The following DOCK4 variants were observed in gnomAD, a reference collection of about 807,000 sequenced individuals.
DOCK4 encodes the protein dedicator of cytokinesis protein 4.
A neutral mutation model predicts 268.1 loss-of-function variants in DOCK4; 97 were observed. That is an observed-to-expected ratio of 0.36 (90% CI 0.31 to 0.43). The LOEUF (loss-of-function observed/expected upper bound fraction) is 0.43. DOCK4 is among the 20% of genes least tolerant of loss of function. DOCK4 has a pLI of 1.00. For missense variants in DOCK4, 2,145 were observed against 2,455.7 expected (o/e 0.87, Z 2.67); for synonymous variants, 954 against 887.2 (o/e 1.08, Z -1.34).
chr7:111,836,940 AGAAG>A (rs1258495283), intron 25 of DOCK4, among the ~76,000 whole-genome samples: 1 of 152,164 alleles, frequency 6.6e-6, no homozygotes, highest in African/African-American at 2.4e-5. Context: ...AGTCTCAGAG[AGAAG>A]GAAGAGACAG....
intron 1 of DOCK4, among the ~76,000 whole-genome samples, chr7:112,015,373 G>A (rs753040470): frequency 1.3e-5 from 2 of 152,134 alleles, no homozygotes; most frequent in Non-Finnish European, 2.9e-5. Flanking sequence ...TCCACTCTTG[G>A]TTTAGCATAT....
Position 111,765,104 on chromosome 7 carries a change from A to T in DOCK4, c.4020+14T>A. The T allele has an allele frequency of 7.7e-7, 1 of 1,297,084 alleles. No individual in the cohort carries two copies. Among genetic ancestry groups the T allele is most frequent in the Non-Finnish European group, 1.0e-6 (1 of 953,518 alleles). The allele number at this position is 1,297,084 out of a possible 1,614,324, so 80.3% of individuals were successfully genotyped here. Reference sequence around the variant, plus strand: ...TGAGAGCTGTGAAAGCAAATTAAATAGTATATTACTTACTCTTAAGAAAAA... The same window carrying T: ...TGAGAGCTGTGAAAGCAAATTAAATTGTATATTACTTACTCTTAAGAAAAA... On this transcript the variant is annotated intron_variant, in intron 39 of 52. Coordinates refer to ENST00000428084, the MANE Select transcript of DOCK4 (RefSeq NM_001363540.2).
chr7:111,945,709 C>G lies in DOCK4; in HGVS notation c.783+8G>C. The stretch of plus-strand genomic sequence containing the variant: ...ATCTGCCTTATGAATGAAACAAGAT[C>G]CACTCACCACAAAGAGGGAGCAATG... On this transcript the variant is annotated splice_region_variant and intron_variant, in intron 9 of 52. Transcript: ENST00000428084. 6.3e-7 allele frequency: 1 copy of G among 1,586,620 alleles called. No homozygotes were observed. Among genetic ancestry groups the G allele is most frequent in the Non-Finnish European group, 8.6e-7 (1 of 1,165,196 alleles).
intron 6 of DOCK4, among the ~76,000 whole-genome samples, chr7:111,986,037 G>A (rs1289052823): frequency 6.6e-6 from 1 of 152,186 alleles, no homozygotes; most frequent in Non-Finnish European, 1.5e-5. Flanking sequence ...GGTGGTGGCA[G>A]ACAAGGTAGT....
At chr7:111,938,911 T>A (rs1055771637) in intron 11 of DOCK4, among the ~76,000 whole-genome samples, 7 of 147,032 alleles carry the variant, frequency 4.8e-5, no homozygotes, top group African/African-American at 1.8e-4. Context: ...GAGGCGGAGG[T>A]TGCAGTGAGC....
intron 1 of DOCK4, among the ~76,000 whole-genome samples, chr7:112,176,261 A>G (rs2116651145): frequency 6.6e-6 from 1 of 152,304 alleles, no homozygotes; most frequent in East Asian, 1.9e-4. Flanking sequence ...AAAAGAACAT[A>G]TGAAAGTTGA....
At chr7:111,994,803 G>A (rs1248511677) in intron 4 of DOCK4, among the ~76,000 whole-genome samples, 1 of 152,074 alleles carries the variant, frequency 6.6e-6, no homozygotes, top group Admixed American at 6.6e-5. Context: ...AGTATTCTAA[G>A]TAATGTTATC....
intron 24 of DOCK4, among the ~76,000 whole-genome samples, chr7:111,846,386 G>A (rs1284414044): frequency 6.6e-6 from 1 of 152,220 alleles, no homozygotes; most frequent in Non-Finnish European, 1.5e-5. Flanking sequence ...ACTCTGAGTT[G>A]TCCCATTTAT....
At chr7:111,903,835 C>G (rs1791347339) in intron 13 of DOCK4, among the ~76,000 whole-genome samples, 1 of 152,172 alleles carries the variant, frequency 6.6e-6, no homozygotes, top group Admixed American at 6.5e-5. Flanking sequence ...CTAAAAACAG[C>G]AGAATTCTTT....
At chr7:111,813,610 A>T (rs1801313125) in intron 27 of DOCK4, among the ~76,000 whole-genome samples, 1 of 152,162 alleles carries the variant, frequency 6.6e-6, no homozygotes, top group Non-Finnish European at 1.5e-5. Flanking sequence ...GAATCTTATT[A>T]TTAAATTTAA....
chr7:111,983,260 T>C (rs1798746206), intron 7 of DOCK4, among the ~76,000 whole-genome samples: 1 of 152,172 alleles, frequency 6.6e-6, no homozygotes, highest in East Asian at 1.9e-4. Flanking sequence ...ACTGAAATTT[T>C]CCTCCACATT....
intron 1 of DOCK4, among the ~76,000 whole-genome samples, chr7:112,101,301 C>A (rs1377691534): frequency 6.6e-6 from 1 of 152,214 alleles, no homozygotes; most frequent in Non-Finnish European, 1.5e-5. Context: ...ATCTACAATA[C>A]ATCACTCAAA....
At chr7:111,745,713 T>G (rs1585855986) in intron 44 of DOCK4, among the ~76,000 whole-genome samples, 3 of 91,660 alleles carry the variant, frequency 3.3e-5, no homozygotes, top group Non-Finnish European at 4.8e-5. Context: ...AAAAAAAAGT[T>G]GGCATCAAGC....
At chr7:112,064,494 G>C (rs910247230) in intron 1 of DOCK4, among the ~76,000 whole-genome samples, 6 of 152,184 alleles carry the variant, frequency 3.9e-5, no homozygotes, top group Non-Finnish European at 7.3e-5. Context: ...ATCTGTATTA[G>C]AGTTTGCAGG....
At chr7:111,741,929 T>A in intron 45 of DOCK4, 84 bp downstream of exon 45, 2 of 1,479,324 alleles carry the variant, frequency 1.4e-6, no homozygotes, top group Non-Finnish European at 1.8e-6. Context: ...CCACAAGATG[T>A]CACTATTGGA....
chr7:111,756,077 G>A (rs755235899), intron 41 of DOCK4, among the ~76,000 whole-genome samples: 88 of 152,296 alleles, frequency 5.8e-4, no homozygotes, highest in Admixed American at 4.4e-3. Flanking sequence ...AGCCGGGCAC[G>A]GTGGCTCACG....
At chr7:111,833,292 A>C (rs568367004) in intron 26 of DOCK4, among the ~76,000 whole-genome samples, 4 of 152,238 alleles carry the variant, frequency 2.6e-5, no homozygotes, top group Non-Finnish European at 5.9e-5. Context: ...CTGTAATCTG[A>C]GTACTTTAGG....
Position 111,728,833 on chromosome 7 carries a change from G to T in DOCK4, c.5482-113C>A, listed in dbSNP as rs1585796792. ...CCCGGCCCCCAGCACCCCCAAAGCC[G>T]GCTGCAGCAGGAGATGCAGCCTTTA... On this transcript the variant is annotated intron_variant, in intron 52 of 52. Transcript: ENST00000428084. The T allele has an allele frequency of 3.0e-6, 3 of 995,282 alleles. No homozygotes were observed. In the East Asian group the frequency reaches 7.9e-5, roughly 26 times the overall value. 61.7% of individuals were successfully genotyped at this position (995,282 alleles called of 1,614,324 possible).
At chr7:112,154,809 A>G (rs1198772676) in intron 1 of DOCK4, among the ~76,000 whole-genome samples, 2 of 152,180 alleles carry the variant, frequency 1.3e-5, no homozygotes, top group Non-Finnish European at 2.9e-5. Flanking sequence ...TAGAAAGAAC[A>G]AGATCCTGCA....
Sources: allele counts gnomAD v4.1 joint callset (sites outside exome capture counted in the v4.1 genomes callset), GRCh38; gene constraint gnomAD v4.1.1; transcripts MANE v1.5; gene names NCBI Gene and HGNC (gene_info 2026-07-23, HGNC 2026-07-21).